The following REV3L variants were observed in gnomAD, a reference collection of about 807,000 sequenced individuals.
REV3L encodes DNA polymerase zeta catalytic subunit.
REV3L carries 69 observed loss-of-function variants against 299.4 expected under a neutral mutation model. The ratio of observed to expected loss-of-function variants is 0.23; its 90% CI spans 0.19 to 0.28. REV3L has a LOEUF of 0.28. Among genes scored for constraint, REV3L ranks in the 10% least tolerant of loss-of-function variants. REV3L has a pLI of 1.00. For synonymous variants in REV3L, 1,238 were observed against 1,271.4 expected, an observed-to-expected ratio of 0.97 and a Z score of 0.56; for missense variants, 3,128 against 3,693.8, an observed-to-expected ratio of 0.85 and a Z score of 3.97.
chr6:111,400,307 A>C (rs2128267708), intron 4 of REV3L, among the ~76,000 whole-genome samples: 1 of 152,322 alleles, frequency 6.6e-6, no homozygotes, highest in African/African-American at 2.4e-5. Flanking sequence ...CTGAGAAACT[A>C]TCTGTCTTCC....
In REV3L at chr6:111,381,415, G is replaced by A. The variant is rs756269211; in HGVS notation, c.1126C>T (p.Leu376Phe). Residue 376 changes from leucine (L) to phenylalanine (F), a missense_variant, in exon 10 of 32, where the codon CTT becomes TTT. Transcript: ENST00000368802. ...TTCAAAATTGCTTCTTCATTAATAA[G>A]AGCTTCTTCCACTTTGTGTCTAGTG... ...GHTRHKVEEALINEEAILNLM... is the reference protein window; with the variant it reads ...GHTRHKVEEAFINEEAILNLM... 1.9e-6 allele frequency: 3 copies of A among 1,613,102 alleles called. No individual in the cohort carries two copies. In the Admixed American group the frequency reaches 5.0e-5, roughly 27 times the overall value.
intron 1 of REV3L, among the ~76,000 whole-genome samples, chr6:111,444,939 A>G (rs1253423362): frequency 3.3e-5 from 5 of 152,246 alleles, no homozygotes; most frequent in Non-Finnish European, 1.5e-5. Context: ...CCAGAAGTAT[A>G]GTGGCCAAAG....
Position 111,420,252 on chromosome 6 carries a change from C to T in REV3L, c.140-3780G>A, listed in dbSNP as rs530025687. Among the ~76,000 whole-genome samples, 120 of 152,216 alleles carry T rather than the reference C, an allele frequency of 7.9e-4. 1 individual carries two copies. In the South Asian group the frequency reaches 0.024, roughly 30 times the overall value. On this transcript the variant is annotated intron_variant, in intron 1 of 31. Coordinates refer to ENST00000368802, the MANE Select transcript of REV3L (RefSeq NM_001372078.1). Reference sequence around the variant, plus strand: ...TCAACTCTATTAACGTAAACTGATACATAAAAATTGTACATATATATGGTA... The same window carrying T: ...TCAACTCTATTAACGTAAACTGATATATAAAAATTGTACATATATATGGTA...
At chr6:111,442,521 CTATATATTAAG>C (rs1372323591) in intron 1 of REV3L, among the ~76,000 whole-genome samples, 1 of 152,134 alleles carries the variant, frequency 6.6e-6, no homozygotes, top group East Asian at 1.9e-4. Flanking sequence ...TTCAAACTGT[CTATATATTAAG>C]TATGATTCTT....
intron 25 of REV3L, among the ~76,000 whole-genome samples, chr6:111,328,427 A>G (rs1461697997): frequency 6.6e-6 from 1 of 152,228 alleles, no homozygotes; most frequent in Non-Finnish European, 1.5e-5. Context: ...ACAAGCCAAC[A>G]TAACTATAAT....
chr6:111,337,047 G>A (rs1402847454), intron 21 of REV3L, among the ~76,000 whole-genome samples: 4 of 151,610 alleles, frequency 2.6e-5, no homozygotes, highest in East Asian at 1.9e-4. Context: ...ATAGATCAGC[G>A]GTTGTCTAAG....
At chr6:111,448,442 G>A (rs115710682) in intron 1 of REV3L, among the ~76,000 whole-genome samples, 1 of 151,862 alleles carries the variant, frequency 6.6e-6, no homozygotes, top group South Asian at 2.1e-4. Flanking sequence ...AGGCTCAGAT[G>A]ATCCACCTCA....
At position 111,373,811 on chromosome 6, in the gene REV3L, G is replaced by A. The variant is rs1780031573; in HGVS notation, c.4544C>T (p.Ser1515Leu). 12 of 1,613,958 alleles carry A rather than the reference G, an allele frequency of 7.4e-6. No homozygotes were observed. Among genetic ancestry groups the A allele is most frequent in the Admixed American group, 1.7e-5 (1 of 60,002 alleles). Residue 1515 changes from serine (S) to leucine (L), a missense_variant, in exon 13 of 32, where the codon TCA becomes TTA. Physicochemically the swap from Ser to Leu is moderately radical, Grantham distance 145 (BLOSUM62 -2). Coordinates refer to ENST00000368802, the MANE Select transcript of REV3L (RefSeq NM_001372078.1). ...TCCTTCACCAAATGCTGAAGGTGTT[G>A]ACACATTTCGATTTTTACACTGAGA... ...ALSQCKNRNV[S>L]TPSAFGEGQS...
chr6:111,429,794 G>C (rs751014325), intron 1 of REV3L, among the ~76,000 whole-genome samples: 1 of 152,114 alleles, frequency 6.6e-6, no homozygotes, highest in Non-Finnish European at 1.5e-5. Flanking sequence ...GGCGCGGGGG[G>C]TGAGCACAGG....
In REV3L at chr6:111,390,073, A is replaced by AT; in HGVS notation, c.757+12dup. 1 of 1,545,570 alleles carries AT rather than the reference A, an allele frequency of 6.5e-7. No individual in the cohort carries two copies. The highest frequency in any genetic ancestry group is 8.9e-7 in the Non-Finnish European group (1 of 1,118,776). On this transcript the variant is annotated intron_variant, in intron 6 of 31. Transcript: ENST00000368802. ...AAAATAAAAACATATATTAAGAATA[A>AT]TTGTGTATGAACCTTCAATGTCCAG...
chr6:111,429,312 T>C (rs1237867197), intron 1 of REV3L, among the ~76,000 whole-genome samples: 1 of 152,060 alleles, frequency 6.6e-6, no homozygotes, highest in Admixed American at 6.5e-5. Context: ...TTGTGCCCAG[T>C]CAAATACATA....
At position 111,465,606 on chromosome 6, in the gene REV3L, G is replaced by A. The variant is rs9487647; in HGVS notation, c.139+17144C>T. ...AAGTTAGCTGGGCATGGTGGTACGC[G>A]CCTGTAATCTCAGTTACTCGGGAGG... On this transcript the variant is annotated intron_variant, in intron 1 of 31. Coordinates refer to ENST00000368802, the MANE Select transcript of REV3L (RefSeq NM_001372078.1). Among the ~76,000 whole-genome samples the A allele has an allele frequency of 3.4e-3, 517 of 151,320 alleles. 3 individuals are homozygous for A. Among genetic ancestry groups the A allele is most frequent in the African/African-American group, 0.012 (498 of 41,372 alleles).
chr6:111,345,820 G>A (rs1020139979), intron 20 of REV3L, among the ~76,000 whole-genome samples: 22 of 151,342 alleles, frequency 1.5e-4, no homozygotes, highest in Admixed American at 9.2e-4. Context: ...CCCTTTGTGA[G>A]TGATGGTTAA....
chr6:111,310,954 C>T (rs944006669), intron 29 of REV3L, 115 bp downstream of exon 29: 7 of 684,370 alleles, frequency 1.0e-5, no homozygotes, highest in African/African-American at 5.4e-5. Flanking sequence ...GCTTCATGTG[C>T]GCAGGTAAAG....
At chr6:111,409,800 A>G (rs948060161) in intron 3 of REV3L, among the ~76,000 whole-genome samples, 1 of 152,170 alleles carries the variant, frequency 6.6e-6, no homozygotes, top group African/African-American at 2.4e-5. Context: ...ATTCTGCAGT[A>G]ATCAGAAACT....
chr6:111,307,796 A>ATT, intron 30 of REV3L: 4 of 486,960 alleles, frequency 8.2e-6, no homozygotes, highest in Admixed American at 3.6e-5. Context: ...TATCAGATAC[A>ATT]TTTTTTTTTT....
rs888852462 is a variant in REV3L at position 111,344,142 on chromosome 6, G to C, written c.7420-99C>G. 9 of 705,236 alleles carry C rather than the reference G, an allele frequency of 1.3e-5. No individual in the cohort carries two copies. The African/African-American group carries it at 1.4e-4, about 11-fold the overall frequency. The allele number at this position is 705,236 out of a possible 1,614,324, so 43.7% of individuals were successfully genotyped here. On this transcript the variant is annotated intron_variant, in intron 20 of 31. Coordinates refer to ENST00000368802, the MANE Select transcript of REV3L (RefSeq NM_001372078.1). ...ATATCACTTTAAACTTTTCATAGTA[G>C]ATATTAAAGCTACTTGTAAAACTGA...
At chr6:111,406,940 C>A (rs951252113) in intron 3 of REV3L, among the ~76,000 whole-genome samples, 1 of 152,064 alleles carries the variant, frequency 6.6e-6, no homozygotes, top group Admixed American at 6.6e-5. Flanking sequence ...GTCTGTGGTA[C>A]GATCATCTCC....
intron 4 of REV3L, among the ~76,000 whole-genome samples, chr6:111,394,703 A>C (rs1034844636): frequency 5.1e-5 from 7 of 136,650 alleles, no homozygotes; most frequent in Non-Finnish European, 1.1e-4. Flanking sequence ...TATCTGTCCT[A>C]CAATTTTTTT....
Sources: gnomAD v4.1 joint callset for allele counts (sites outside exome capture counted in the v4.1 genomes callset) on GRCh38, gnomAD v4.1.1 for gene constraint, MANE v1.5 for transcripts, NCBI Gene and HGNC (gene_info 2026-07-23, HGNC 2026-07-21) for gene names.